CRTAC1: variants seen among roughly 807,000 people sequenced by gnomAD.
The protein encoded by CRTAC1 is acidic secreted protein in cartilage.
A neutral mutation model predicts 67.8 loss-of-function variants in CRTAC1; 37 were observed. The observed-to-expected ratio is 0.55, with a 90% CI of 0.42 to 0.72. The LOEUF (loss-of-function observed/expected upper bound fraction) is 0.72, where lower values mean the gene tolerates loss of function less well. Among genes scored for constraint, CRTAC1 ranks in the 30% least tolerant of loss-of-function variants. The probability of loss-of-function intolerance (pLI) is 0.00; values close to 1 mark genes in which losing one functional copy is unlikely to be tolerated. For synonymous variants in CRTAC1, 348 were observed against 371.0 expected (o/e 0.94, Z 0.71); for missense variants, 780 against 931.6 (o/e 0.84, Z 2.12).
Position 97,941,667 on chromosome 10 carries a change from G to A in CRTAC1, c.225-5301C>T, listed in dbSNP as rs116197609. Reference sequence around the variant, plus strand: ...CTCTCATTAATTGGCCCATCCTGTCGTTTCTACCTCCAAAAATGTTTCACA... The same window carrying A: ...CTCTCATTAATTGGCCCATCCTGTCATTTCTACCTCCAAAAATGTTTCACA... On this transcript the variant is annotated intron_variant, in intron 2 of 14. Transcript: ENST00000370597. 4.1e-3 allele frequency among the ~76,000 whole-genome samples: 630 copies of A among 152,080 alleles called. 3 individuals are homozygous for A. Among genetic ancestry groups the A allele is most frequent in the African/African-American group, 0.014 (570 of 41,466 alleles).
At chr10:97,873,476 T>C (rs1266077443) in intron 14 of CRTAC1, among the ~76,000 whole-genome samples, 1 of 152,178 alleles carries the variant, frequency 6.6e-6, no homozygotes, top group Non-Finnish European at 1.5e-5. Flanking sequence ...AGAGGGTGTA[T>C]GTTTGGCTCA....
At chr10:97,918,924 C>T (rs1284672615) in intron 4 of CRTAC1, among the ~76,000 whole-genome samples, 9 of 151,922 alleles carry the variant, frequency 5.9e-5, no homozygotes, top group Non-Finnish European at 1.2e-4. Context: ...GCTGGGATTA[C>T]AGGCACGCAC....
At chr10:97,915,755 C>T (rs564088156) in intron 5 of CRTAC1, among the ~76,000 whole-genome samples, 16 of 152,254 alleles carry the variant, frequency 1.1e-4, no homozygotes, top group African/African-American at 3.1e-4. Context: ...GGAGAAGGCG[C>T]GCAGACAGAA....
At position 97,957,153 on chromosome 10, in the gene CRTAC1, G is replaced by A. The variant is rs149564846; in HGVS notation, c.225-20787C>T. ...TAAGAGAAGGGGACCTCTCTTTGGG[G>A]AGGAGTGGGCGATGCTTTAAAAAGA... On this transcript the variant is annotated intron_variant, in intron 2 of 14. Coordinates refer to ENST00000370597, the MANE Select transcript of CRTAC1 (RefSeq NM_018058.7). Among the ~76,000 whole-genome samples the A allele has an allele frequency of 4.5e-3, 691 of 152,224 alleles. 5 individuals are homozygous for A. Among genetic ancestry groups the A allele is most frequent in the Admixed American group, 7.7e-3 (117 of 15,284 alleles).
intron 4 of CRTAC1, among the ~76,000 whole-genome samples, chr10:97,918,904 C>A (rs1402488478): frequency 2.6e-5 from 4 of 151,978 alleles, no homozygotes; most frequent in African/African-American, 9.7e-5. Context: ...CTGCTTCAGC[C>A]TCCCAAGTAG....
chr10:98,007,731 G>A (rs559984952), intron 2 of CRTAC1, among the ~76,000 whole-genome samples: 105 of 152,210 alleles, frequency 6.9e-4, no homozygotes, highest in Non-Finnish European at 9.6e-4. Context: ...TCTTGTTTCC[G>A]GAGGATGACT....
At chr10:98,023,533 T>G (rs2136707752) in intron 1 of CRTAC1, among the ~76,000 whole-genome samples, 1 of 152,330 alleles carries the variant, frequency 6.6e-6, no homozygotes, top group South Asian at 2.1e-4. Context: ...CCTTGAGGAC[T>G]CTTATTTCCC....
intron 1 of CRTAC1, among the ~76,000 whole-genome samples, chr10:98,026,273 G>C (rs1398305616): frequency 6.6e-6 from 1 of 152,150 alleles, no homozygotes; most frequent in African/African-American, 2.4e-5. Context: ...GCCAGCAAGC[G>C]GAGACCAGAT....
At position 98,029,180 on chromosome 10, in the gene CRTAC1, G is replaced by A. The variant is rs2136714359; in HGVS notation, c.24+1269C>T. ...CCTCTCCCCCATGGCTGAGGGTGAG[G>A]TACTCTGTGACTCTCAATGAGCTCT... On this transcript the variant is annotated intron_variant, in intron 1 of 14. Transcript: ENST00000370597. The surrounding 1 kb of genome is among the most constrained non-coding windows in gnomAD (Gnocchi z 4.7). Among the ~76,000 whole-genome samples the A allele has an allele frequency of 6.6e-6, 1 of 152,238 alleles. No homozygotes were observed. Among genetic ancestry groups the A allele is most frequent in the Admixed American group, 6.5e-5 (1 of 15,298 alleles).
At chr10:97,912,520 C>T (rs995826060) in intron 5 of CRTAC1, among the ~76,000 whole-genome samples, 9 of 152,198 alleles carry the variant, frequency 5.9e-5, no homozygotes, top group Non-Finnish European at 1.2e-4. Flanking sequence ...AGCCCTGGCA[C>T]GCTGGCAATG....
chr10:97,931,092 AT>A (rs1435615488), intron 3 of CRTAC1, among the ~76,000 whole-genome samples: 3 of 152,226 alleles, frequency 2.0e-5, no homozygotes. Context: ...ATATATAAAA[AT>A]ATTCTCAGTC....
At chr10:97,949,914 G>T (rs766212206) in intron 2 of CRTAC1, among the ~76,000 whole-genome samples, 7 of 152,184 alleles carry the variant, frequency 4.6e-5, no homozygotes, top group Non-Finnish European at 1.0e-4. Flanking sequence ...AGTAAACACT[G>T]GTTAATATGT....
At chr10:97,929,747 T>C (rs1178427144) in intron 3 of CRTAC1, among the ~76,000 whole-genome samples, 1 of 152,210 alleles carries the variant, frequency 6.6e-6, no homozygotes, top group East Asian at 1.9e-4. Context: ...TGGCACATGA[T>C]AAGTTAAATA....
intron 2 of CRTAC1, among the ~76,000 whole-genome samples, chr10:97,952,576 A>C (rs1329480828): frequency 6.7e-6 from 1 of 149,934 alleles, no homozygotes; most frequent in Non-Finnish European, 1.5e-5. Context: ...CGCAAATTCT[A>C]GAGCACTACC....
intron 8 of CRTAC1, among the ~76,000 whole-genome samples, chr10:97,898,482 G>T (rs926985718): frequency 6.6e-6 from 1 of 152,234 alleles, no homozygotes; most frequent in Non-Finnish European, 1.5e-5. Context: ...TGAGGGTGAG[G>T]CCTGGCATAG....
At chr10:97,960,601 C>T (rs976034463) in intron 2 of CRTAC1, among the ~76,000 whole-genome samples, 3 of 152,158 alleles carry the variant, frequency 2.0e-5, no homozygotes, top group African/African-American at 7.2e-5. Flanking sequence ...GATTAGCATG[C>T]CCTCCAAGTC....
chr10:97,871,230 G>A (rs1047185650), intron 14 of CRTAC1: 8 of 152,168 alleles, frequency 5.3e-5, no homozygotes, highest in Non-Finnish European at 1.2e-4. Flanking sequence ...GCAGAACTTC[G>A]CATGCAGGAT....
chr10:97,865,502 C>T lies in CRTAC1; in HGVS notation c.*46G>A. On this transcript the variant is annotated 3_prime_UTR_variant, in exon 15 of 15. Coordinates refer to ENST00000370597, the MANE Select transcript of CRTAC1 (RefSeq NM_018058.7). ...AGGCAGCAGCACAAGCCCACTTTCC[C>T]ACTCCCCTGCTGGACTCCATCCGCT... The T allele has an allele frequency of 6.4e-7, 1 of 1,562,310 alleles. No homozygotes were observed. Among genetic ancestry groups the T allele is most frequent in the Non-Finnish European group, 8.7e-7 (1 of 1,148,394 alleles).
At chr10:97,945,065 G>T (rs895083384) in intron 2 of CRTAC1, among the ~76,000 whole-genome samples, 1 of 152,208 alleles carries the variant, frequency 6.6e-6, no homozygotes, top group Non-Finnish European at 1.5e-5. Flanking sequence ...TTTCAGAAAA[G>T]AAAGTAGATA....
Sources: allele counts gnomAD v4.1 joint callset (sites outside exome capture counted in the v4.1 genomes callset), GRCh38; gene constraint gnomAD v4.1.1; non-coding constraint Gnocchi (gnomAD v3.1); transcripts MANE v1.5; gene names NCBI Gene and HGNC (gene_info 2026-07-23, HGNC 2026-07-21).